Variants in SHANK2 observed in about 807,000 individuals in gnomAD.
The protein encoded by SHANK2 is SH3 and multiple ankyrin repeat domains 2.
A neutral mutation model predicts 133.7 loss-of-function variants in SHANK2; 43 were observed. The ratio of observed to expected loss-of-function variants is 0.32; its 90% CI spans 0.25 to 0.41. SHANK2 has a LOEUF of 0.41. Among genes scored for constraint, SHANK2 ranks in the 10% least tolerant of loss-of-function variants. The pLI is 1.00. For synonymous variants in SHANK2, 1,017 were observed against 952.8 expected, an observed-to-expected ratio of 1.07 and a Z score of -1.24; for missense variants, 1,994 against 2,235.8, an observed-to-expected ratio of 0.89 and a Z score of 2.18.
chr11:70,830,455 C>A lies in SHANK2; in HGVS notation c.1175-9773G>T, dbSNP rs1379450202. On this transcript the variant is annotated intron_variant, in intron 11 of 25. Coordinates refer to ENST00000601538, the MANE Select transcript of SHANK2 (RefSeq NM_012309.5). This position sits in a 1 kb window ranked among gnomAD's most constrained non-coding sequence, Gnocchi z 4.4. ...CATTCTCCTGCCATCTGCACACAGG[C>A]CCGGCCCTTCACCCTCCAAGCCACG... Among the ~76,000 whole-genome samples the A allele has an allele frequency of 6.6e-6, 1 of 152,176 alleles. No homozygotes were observed. The highest frequency in any genetic ancestry group is 6.5e-5 in the Admixed American group (1 of 15,286).
At chr11:71,104,358 A>AG (rs1951770393) in intron 6 of SHANK2, among the ~76,000 whole-genome samples, 2 of 151,908 alleles carry the variant, frequency 1.3e-5, no homozygotes, top group South Asian at 4.2e-4. Flanking sequence ...GTCCCAACAC[A>AG]GGGCCCCCCC....
intron 3 of SHANK2, among the ~76,000 whole-genome samples, chr11:71,146,761 C>A (rs2135402809): frequency 6.6e-6 from 1 of 152,268 alleles, no homozygotes; most frequent in South Asian, 2.1e-4. Flanking sequence ...GTGCTAGAAG[C>A]CAGTTGCGGG....
chr11:71,139,770 C>T (rs1398553730), intron 3 of SHANK2, among the ~76,000 whole-genome samples: 5 of 152,206 alleles, frequency 3.3e-5, no homozygotes, highest in Middle Eastern at 3.2e-3. Flanking sequence ...CCGGGAAGCC[C>T]ACCCACACAC....
intron 25 of SHANK2, among the ~76,000 whole-genome samples, chr11:70,476,073 A>G (rs1420329758): frequency 6.6e-6 from 1 of 152,064 alleles, no homozygotes; most frequent in Non-Finnish European, 1.5e-5. Flanking sequence ...AATTAAAAAA[A>G]AAAAAATTAG....
chr11:70,500,424 CGGCAGGGCTCCTCG>C lies in SHANK2; in HGVS notation c.2308+132_2308+145del. 9.9e-7 allele frequency: 1 copy of C among 1,013,404 alleles called. No individual in the cohort carries two copies. The highest frequency in any genetic ancestry group is 1.4e-5 in the South Asian group (1 of 71,764). The allele number at this position is 1,013,404 out of a possible 1,614,324, so 62.8% of individuals were successfully genotyped here. A position where few individuals can be genotyped will look rare whatever the true frequency, so the allele number is the denominator to read the frequency against. ...ACAGACAGATGAATGTGCTCCAGGG[CGGCAGGGCTCCTCG>C]GGCAGGACCCAGCAGGAGAAGCCAA... is the stretch of plus-strand genomic sequence containing the variant. On this transcript the variant is annotated intron_variant, in intron 21 of 25. Transcript: ENST00000601538. The surrounding 1 kb of genome is among the most constrained non-coding windows in gnomAD (Gnocchi z 4.5).
chr11:70,637,350 C>T (rs987644578), intron 17 of SHANK2, among the ~76,000 whole-genome samples: 1 of 152,086 alleles, frequency 6.6e-6, no homozygotes, highest in Non-Finnish European at 1.5e-5. Flanking sequence ...GTGTGTGGCC[C>T]GCACACAACT....
At chr11:70,543,902 C>T (rs1362224873) in intron 17 of SHANK2, among the ~76,000 whole-genome samples, 1 of 152,188 alleles carries the variant, frequency 6.6e-6, no homozygotes, top group Non-Finnish European at 1.5e-5. Context: ...CTGCTGGTGT[C>T]CGAGGGAACC....
intron 11 of SHANK2, among the ~76,000 whole-genome samples, chr11:70,861,930 G>T (rs77190989): frequency 0.016 from 2,429 of 152,248 alleles, 23 homozygotes; most frequent in Non-Finnish European, 0.026. Flanking sequence ...TTTGGATAGG[G>T]TGGTCTCGGA....
At chr11:70,630,775 C>A (rs1193453686) in intron 17 of SHANK2, among the ~76,000 whole-genome samples, 1 of 152,202 alleles carries the variant, frequency 6.6e-6, no homozygotes, top group Non-Finnish European at 1.5e-5. Flanking sequence ...CCTGCCGACA[C>A]CTTGACATTG....
At chr11:70,597,052 C>A (rs2060411480) in intron 17 of SHANK2, among the ~76,000 whole-genome samples, 1 of 152,088 alleles carries the variant, frequency 6.6e-6, no homozygotes, top group East Asian at 1.9e-4. Flanking sequence ...ATCCTCAGAC[C>A]CTATGAACAA....
chr11:70,907,641 C>A, intron 10 of SHANK2: 1 of 224,776 alleles, frequency 4.4e-6, no homozygotes, highest in Non-Finnish European at 9.2e-6. Flanking sequence ...GATATCATGG[C>A]TAGGTGAGTT....
chr11:70,664,641 C>T (rs782169566), intron 15 of SHANK2, among the ~76,000 whole-genome samples: 3 of 152,230 alleles, frequency 2.0e-5, no homozygotes, highest in Non-Finnish European at 4.4e-5. Flanking sequence ...TCCTGCAGTG[C>T]CCAACGCCAT....
In SHANK2 at chr11:70,807,664, T is replaced by C. The variant is rs1948192046; in HGVS notation, c.1494-493A>G. ...GGCCAACATGGTGAAACCTCGTTGGTACTAAAAATTCAAAAAATAGCAGGG... is the reference window on the plus strand; with the variant it reads ...GGCCAACATGGTGAAACCTCGTTGGCACTAAAAATTCAAAAAATAGCAGGG... On this transcript the variant is annotated intron_variant, in intron 12 of 25. Transcript: ENST00000601538. This position sits in a 1 kb window ranked among gnomAD's most constrained non-coding sequence, Gnocchi z 4.8. Among the ~76,000 whole-genome samples the C allele has an allele frequency of 6.6e-6, 1 of 151,850 alleles. No homozygotes were observed. The highest frequency in any genetic ancestry group is 1.5e-5 in the Non-Finnish European group (1 of 67,972).
intron 17 of SHANK2, among the ~76,000 whole-genome samples, chr11:70,616,669 G>T (rs916756998): frequency 6.6e-6 from 1 of 152,164 alleles, no homozygotes; most frequent in Non-Finnish European, 1.5e-5. Context: ...AGGAAGGCAG[G>T]GTGGGGTGTG....
intron 17 of SHANK2, among the ~76,000 whole-genome samples, chr11:70,515,763 G>A (rs916676275): frequency 2.0e-5 from 3 of 151,864 alleles, no homozygotes; most frequent in African/African-American, 7.3e-5. Context: ...AGCAAGTCCT[G>A]ATCACACCAC....
intron 11 of SHANK2, among the ~76,000 whole-genome samples, chr11:70,870,906 T>A (rs1337264670): frequency 6.6e-6 from 1 of 152,164 alleles, no homozygotes; most frequent in Non-Finnish European, 1.5e-5. Context: ...GCCACCCAAG[T>A]AGCTGGGACT....
At chr11:70,883,579 G>A (rs1344934229) in intron 11 of SHANK2, among the ~76,000 whole-genome samples, 1 of 152,198 alleles carries the variant, frequency 6.6e-6, no homozygotes, top group South Asian at 2.1e-4. Context: ...GGCTGGGAAA[G>A]GGGGCAGAGG....
chr11:71,177,444 A>G (rs781997133), intron 2 of SHANK2, among the ~76,000 whole-genome samples: 52 of 152,212 alleles, frequency 3.4e-4, no homozygotes, highest in Non-Finnish European at 5.9e-4. Flanking sequence ...CTGAACTGGT[A>G]TAATACTACT....
chr11:71,085,579 A>G (rs1463304704), intron 8 of SHANK2, among the ~76,000 whole-genome samples: 1 of 45,966 alleles, frequency 2.2e-5, no homozygotes, highest in Non-Finnish European at 3.9e-5. Flanking sequence ...TATATATTAT[A>G]TAATATATTA....
Sources: gnomAD v4.1 joint callset for allele counts (sites outside exome capture counted in the v4.1 genomes callset) on GRCh38, gnomAD v4.1.1 for gene constraint, Gnocchi (gnomAD v3.1) non-coding constraint, MANE v1.5 for transcripts, NCBI Gene and HGNC (gene_info 2026-07-23, HGNC 2026-07-21) for gene names.